The following SH3BP4 variants were observed in gnomAD, a reference collection of about 807,000 sequenced individuals.
SH3BP4 encodes the protein SH3 domain binding protein 4, also known as SH3 domain-binding protein 4.
SH3BP4 carries 33 observed loss-of-function variants against 65.5 expected under a neutral mutation model. The ratio of observed to expected loss-of-function variants is 0.50; its 90% CI spans 0.38 to 0.67. The LOEUF (loss-of-function observed/expected upper bound fraction) is 0.67, where lower values mean the gene tolerates loss of function less well. Ranked by LOEUF, SH3BP4 falls within the 30% of genes least tolerant of loss-of-function variation. SH3BP4 has a pLI of 0.00. For synonymous variants in SH3BP4, 552 were observed against 545.5 expected (o/e 1.01, Z -0.17); for missense variants, 1,134 against 1,261.4 (o/e 0.90, Z 1.53).
Position 235,030,911 on chromosome 2 carries a change from GC to G in SH3BP4, c.-132-3956del, listed in dbSNP as rs1280529275. Among the ~76,000 whole-genome samples, 1 of 152,116 alleles carries G rather than the reference GC, an allele frequency of 6.6e-6. No homozygotes were observed. The highest frequency in any genetic ancestry group is 1.9e-4 in the East Asian group (1 of 5,198). On this transcript the variant is annotated intron_variant, in intron 2 of 5. Coordinates refer to ENST00000392011, the MANE Select transcript of SH3BP4 (RefSeq NM_014521.3). This position sits in a 1 kb window ranked among gnomAD's most constrained non-coding sequence, Gnocchi z 4.1. ...GCCCTCTTTCTGTACTGTAAAAACGGCCCCAAGGGTGCGGACAGGGGGCACC... is the reference window on the plus strand; with the variant it reads ...GCCCTCTTTCTGTACTGTAAAAACGGCCCAAGGGTGCGGACAGGGGGCACC...
intron 1 of SH3BP4, among the ~76,000 whole-genome samples, chr2:234,980,192 G>T (rs1693329481): frequency 6.6e-6 from 1 of 152,074 alleles, no homozygotes; most frequent in Non-Finnish European, 1.5e-5. Context: ...GGGATACAGG[G>T]CCCCCAGAAG....
chr2:235,035,303 T>C lies in SH3BP4; in HGVS notation c.118+183T>C, dbSNP rs1695343566. On this transcript the variant is annotated intron_variant, in intron 3 of 5. Transcript: ENST00000392011. The surrounding 1 kb of genome is among the most constrained non-coding windows in gnomAD (Gnocchi z 5.0). ...AATCATAGTCACTTGTCTTATTTTTTGGTTCCCCCTTATTAGTGAAACCCC... is the reference window on the plus strand; with the variant it reads ...AATCATAGTCACTTGTCTTATTTTTCGGTTCCCCCTTATTAGTGAAACCCC... Among the ~76,000 whole-genome samples, 2 of 152,234 alleles carry C rather than the reference T, an allele frequency of 1.3e-5. No homozygotes were observed. Among genetic ancestry groups the C allele is most frequent in the Non-Finnish European group, 2.9e-5 (2 of 68,040 alleles).
rs1694076165 is a variant in SH3BP4 at position 235,000,870 on chromosome 2, TG to T, written c.-133+5496del. 3.3e-5 allele frequency among the ~76,000 whole-genome samples: 5 copies of T among 152,348 alleles called. 1 individual carries two copies. The South Asian group carries it at 1.0e-3, about 32-fold the overall frequency. On this transcript the variant is annotated intron_variant, in intron 2 of 5. Coordinates refer to ENST00000392011, the MANE Select transcript of SH3BP4 (RefSeq NM_014521.3). The stretch of plus-strand genomic sequence containing the variant: ...TGGGTTCTGCCTTTTTCTGCACTGG[TG>T]GTGTCTCCCCATCGCCCCAGCTGCT...
chr2:234,971,012 T>C (rs993487975), intron 1 of SH3BP4, among the ~76,000 whole-genome samples: 2 of 152,160 alleles, frequency 1.3e-5, no homozygotes, highest in African/African-American at 4.8e-5. Context: ...CCCACTGCCT[T>C]TAAAAAAATT....
At position 234,977,866 on chromosome 2, in the gene SH3BP4, T is replaced by C. The variant is rs1693217797; in HGVS notation, c.-206-17437T>C. 6.6e-6 allele frequency among the ~76,000 whole-genome samples: 1 copy of C among 152,150 alleles called. No individual in the cohort carries two copies. The highest frequency in any genetic ancestry group is 1.5e-5 in the Non-Finnish European group (1 of 68,012). ...TGAGACCCTGCACTTGAGTTTCTAG[T>C]CTTAAGCAAGAAGGGTGTCACCGAG... On this transcript the variant is annotated intron_variant, in intron 1 of 5. Coordinates refer to ENST00000392011, the MANE Select transcript of SH3BP4 (RefSeq NM_014521.3). The surrounding 1 kb of genome is among the most constrained non-coding windows in gnomAD (Gnocchi z 5.1).
chr2:235,003,139 G>T (rs1694185205), intron 2 of SH3BP4, among the ~76,000 whole-genome samples: 1 of 152,258 alleles, frequency 6.6e-6, no homozygotes, highest in Non-Finnish European at 1.5e-5. Flanking sequence ...ATAGGCTTCT[G>T]ATCGAATAAG....
chr2:234,980,835 C>G (rs1258591535), intron 1 of SH3BP4, among the ~76,000 whole-genome samples: 1 of 152,190 alleles, frequency 6.6e-6, no homozygotes, highest in African/African-American at 2.4e-5. Flanking sequence ...TCCTCCCATG[C>G]GGAAATCCTT....
chr2:234,954,808 G>C (rs377092460), intron 1 of SH3BP4, among the ~76,000 whole-genome samples: 3 of 152,222 alleles, frequency 2.0e-5, no homozygotes, highest in South Asian at 4.2e-4. Context: ...AATTGCGTGG[G>C]AGGTGTGTGT....
At chr2:235,002,112 C>A (rs1032683130) in intron 2 of SH3BP4, among the ~76,000 whole-genome samples, 35 of 152,140 alleles carry the variant, frequency 2.3e-4, no homozygotes, top group Non-Finnish European at 3.1e-4. Flanking sequence ...CCGCCCGCCT[C>A]GGCCTCCCCA....
chr2:234,962,640 G>T (rs928831491), intron 1 of SH3BP4, among the ~76,000 whole-genome samples: 1 of 152,120 alleles, frequency 6.6e-6, no homozygotes, highest in African/African-American at 2.4e-5. Context: ...ATTTTCGCTT[G>T]AAGTATAGAG....
chr2:234,960,528 CAA>C (rs551020125), intron 1 of SH3BP4, among the ~76,000 whole-genome samples: 178 of 152,268 alleles, frequency 1.2e-3, no homozygotes, highest in African/African-American at 4.0e-3. Context: ...CTAGTCATCA[CAA>C]ACAGAATCCC....
chr2:234,970,945 A>G (rs1335368973), intron 1 of SH3BP4, among the ~76,000 whole-genome samples: 1 of 152,172 alleles, frequency 6.6e-6, no homozygotes, highest in African/African-American at 2.4e-5. Flanking sequence ...TACCGGACAC[A>G]AATTTCTTCA....
At chr2:234,990,645 G>A (rs1035081848) in intron 1 of SH3BP4, among the ~76,000 whole-genome samples, 15 of 152,220 alleles carry the variant, frequency 9.9e-5, no homozygotes, top group Admixed American at 3.9e-4. Context: ...AAGAGTTCAC[G>A]GAGCATTTTC....
intron 2 of SH3BP4, among the ~76,000 whole-genome samples, chr2:235,022,382 C>T (rs767884607): frequency 1.3e-5 from 2 of 152,018 alleles, no homozygotes; most frequent in East Asian, 1.9e-4. Context: ...GGTGAAAACC[C>T]GTCTCTAATA....
chr2:234,986,029 CA>C (rs1262036249), intron 1 of SH3BP4, among the ~76,000 whole-genome samples: 20 of 148,918 alleles, frequency 1.3e-4, no homozygotes, highest in African/African-American at 5.1e-4. Context: ...GGTCCACGTG[CA>C]GGTGTACCAG....
intron 2 of SH3BP4, among the ~76,000 whole-genome samples, chr2:235,007,924 C>T (rs1474178706): frequency 6.6e-6 from 1 of 152,168 alleles, no homozygotes; most frequent in African/African-American, 2.4e-5. Flanking sequence ...AGAGGTTGGA[C>T]GTCAAGGGCA....
intron 2 of SH3BP4, among the ~76,000 whole-genome samples, chr2:235,018,839 C>G (rs1215908701): frequency 6.6e-6 from 1 of 152,156 alleles, no homozygotes; most frequent in African/African-American, 2.4e-5. Context: ...AGGAAATAGA[C>G]AAGACCTAAA....
intron 2 of SH3BP4, among the ~76,000 whole-genome samples, chr2:235,009,168 TG>T (rs1372184109): frequency 2.0e-5 from 3 of 152,170 alleles, no homozygotes; most frequent in Admixed American, 6.5e-5. Flanking sequence ...GACTATTACT[TG>T]GGATAACCAG....
intron 2 of SH3BP4, chr2:235,008,687 G>A (rs1440351345): frequency 6.6e-6 from 1 of 152,144 alleles, no homozygotes; most frequent in East Asian, 1.9e-4. Context: ...AGGCAAACAA[G>A]CTGTGAATTA....
Sources: gnomAD v4.1 joint callset for allele counts (sites outside exome capture counted in the v4.1 genomes callset) on GRCh38, gnomAD v4.1.1 for gene constraint, Gnocchi (gnomAD v3.1) non-coding constraint, MANE v1.5 for transcripts, NCBI Gene and HGNC (gene_info 2026-07-23, HGNC 2026-07-21) for gene names.